ERCC6: variants seen among roughly 807,000 people sequenced by gnomAD.
The protein encoded by ERCC6 is DNA excision repair protein ERCC-6.
In ERCC6, 116 loss-of-function variants were observed where a neutral mutation model predicts 158.7. The ratio of observed to expected loss-of-function variants is 0.73; its 90% CI spans 0.63 to 0.85. The LOEUF is 0.85. Among genes scored for constraint, ERCC6 ranks in the 40% least tolerant of loss-of-function variants. The probability of loss-of-function intolerance (pLI) is 0.00; values close to 1 mark genes in which losing one functional copy is unlikely to be tolerated. For missense variants in ERCC6, 1,698 were observed against 1,799.4 expected, an observed-to-expected ratio of 0.94 and a Z score of 1.02; for synonymous variants, 678 against 659.3, an observed-to-expected ratio of 1.03 and a Z score of -0.43.
chr10:49,447,459 G>A, the ERCC6 span, among the ~76,000 whole-genome samples: 10 of 152,020 alleles, frequency 6.6e-5, no homozygotes, highest in Admixed American at 4.6e-4. Context: ...AGGCCGAGGC[G>A]GGCAGATCAC....
chr10:49,517,623 CT>C (rs1247491955), intron 5 of ERCC6, among the ~76,000 whole-genome samples: 1 of 150,844 alleles, frequency 6.6e-6, no homozygotes, highest in Non-Finnish European at 1.5e-5. Context: ...ACACAGTCTT[CT>C]TTCTTTTTTT....
chr10:49,534,090 C>T (rs917663892), intron 1 of ERCC6, among the ~76,000 whole-genome samples: 11 of 128,176 alleles, frequency 8.6e-5, no homozygotes, highest in African/African-American at 3.2e-4. Context: ...GATGAGATCT[C>T]ACCACTGCAT....
Position 49,454,856 on chromosome 10 carries a change from AG to A in ERCC6, c.*3958del, listed in dbSNP as rs1850460126. 6.6e-6 allele frequency among the ~76,000 whole-genome samples: 1 copy of A among 152,232 alleles called. No homozygotes were observed. The highest frequency in any genetic ancestry group is 1.5e-5 in the Non-Finnish European group (1 of 68,040). Reference sequence around the variant, plus strand: ...AGTTAGATAAATGGACCAATTTAACAGAATGCAGAGCCAAGAAACATTTCCG... The same window carrying A: ...AGTTAGATAAATGGACCAATTTAACAAATGCAGAGCCAAGAAACATTTCCG... On this transcript the variant is annotated 3_prime_UTR_variant, in exon 21 of 21. Transcript: ENST00000355832.
the ERCC6 span, among the ~76,000 whole-genome samples, chr10:49,438,467 GC>G: frequency 2.6e-5 from 4 of 152,090 alleles, no homozygotes; most frequent in African/African-American, 9.7e-5. Flanking sequence ...GGAAAGACCA[GC>G]CCCCATGATT....
rs940497161 is a variant in ERCC6 at position 49,458,724 on chromosome 10, T to C, written c.*91A>G. 8.2e-6 allele frequency: 11 copies of C among 1,339,054 alleles called. No homozygotes were observed. The highest frequency in any genetic ancestry group is 1.2e-5 in the Non-Finnish European group (11 of 942,028). 82.9% of individuals were successfully genotyped at this position (1,339,054 alleles called of 1,614,324 possible). ...CAAACAAACATCAAGTGCAGCCAAC[T>C]TCCATTGACAAACATGATTATTAAT... is the stretch of plus-strand genomic sequence containing the variant. On this transcript the variant is annotated 3_prime_UTR_variant, in exon 21 of 21. Coordinates refer to ENST00000355832, the MANE Select transcript of ERCC6 (RefSeq NM_000124.4).
chr10:49,517,248 A>G (rs1221773519), intron 5 of ERCC6: 30 of 1,329,254 alleles, frequency 2.3e-5, no homozygotes, highest in African/African-American at 3.0e-5. Flanking sequence ...TTTTCTTTTT[A>G]CCGCACAATA....
chr10:49,505,668 T>G, intron 6 of ERCC6: 2 of 589,050 alleles, frequency 3.4e-6, no homozygotes, highest in East Asian at 5.7e-5. Flanking sequence ...TTCATCAGTT[T>G]ACAAACATAC....
chr10:49,510,709 A>C (rs1229142704), intron 5 of ERCC6, among the ~76,000 whole-genome samples: 1 of 152,174 alleles, frequency 6.6e-6, no homozygotes. Context: ...GCAGACCGTT[A>C]AGTGCTGAAT....
At position 49,530,891 on chromosome 10, in the gene ERCC6, G is replaced by C. The variant is rs1423234647; in HGVS notation, c.423-51C>G. The C allele has an allele frequency of 3.7e-6, 6 of 1,601,036 alleles. No individual in the cohort carries two copies. The African/African-American group carries it at 8.0e-5, about 21-fold the overall frequency. ...TTTGCACTCTGATAACATTTTTATA[G>C]CATAATATAAAGAGAAAAATGCTAA... On this transcript the variant is annotated intron_variant, in intron 2 of 20. Coordinates refer to ENST00000355832, the MANE Select transcript of ERCC6 (RefSeq NM_000124.4).
chr10:49,462,463 T>C (rs2132527805), intron 18 of ERCC6, among the ~76,000 whole-genome samples: 1 of 151,948 alleles, frequency 6.6e-6, no homozygotes, highest in South Asian at 2.1e-4. Flanking sequence ...GGCTTAGAAC[T>C]ACAATTCCAA....
rs1446462257 is a variant in ERCC6 at position 49,459,054 on chromosome 10, C to T, written c.4243G>A (p.Ala1415Thr). The change falls in exon 21 of 21, where the codon GCT becomes ACT. Residue 1415 changes from alanine to threonine, a missense_variant. Physicochemically the swap from Ala to Thr is moderately conservative, Grantham distance 58. Coordinates refer to ENST00000355832, the MANE Select transcript of ERCC6 (RefSeq NM_000124.4). ...LESESGHLQE[A>T]SALLPTTEHD... ...TCTGTGGTGGGCAGCAGGGCAGAAG[C>T]TTCCTGCAGGTGCCCGCTTTCACTT... is the stretch of plus-strand genomic sequence containing the variant. 1 of 1,614,180 alleles carries T rather than the reference C, an allele frequency of 6.2e-7. No individual in the cohort carries two copies. The highest frequency in any genetic ancestry group is 1.1e-5 in the South Asian group (1 of 91,090).
chr10:49,474,053 C>A lies in ERCC6; in HGVS notation c.2572G>T (p.Val858Leu), dbSNP rs1031601907. The change falls in exon 13 of 21, where the codon GTA (valine) becomes TTA (leucine). Residue 858 changes from valine to leucine, a missense_variant. Val to Leu is a conservative substitution (Grantham distance 32). Coordinates refer to ENST00000355832, the MANE Select transcript of ERCC6 (RefSeq NM_000124.4). Reference sequence around the variant, plus strand: ...TGCCTTGACTGAGAAAACAGCAATACTCGCTGACCCTGCTTGTGCCATATT... The same window carrying A: ...TGCCTTGACTGAGAAAACAGCAATAATCGCTGACCCTGCTTGTGCCATATT... The part of the protein sequence containing the change: ...LKIWHKQGQR[V>L]LLFSQSRQML... The A allele has an allele frequency of 1.2e-6, 2 of 1,614,102 alleles. No homozygotes were observed. The highest frequency in any genetic ancestry group is 1.7e-6 in the Non-Finnish European group (2 of 1,180,030).
chr10:49,526,065 T>A (rs1312833142), intron 4 of ERCC6, among the ~76,000 whole-genome samples: 7 of 147,102 alleles, frequency 4.8e-5, no homozygotes, highest in Non-Finnish European at 8.9e-5. Flanking sequence ...AATATTCTGA[T>A]GCACATCTTT....
At chr10:49,516,609 T>A in intron 5 of ERCC6, 8 of 1,614,168 alleles carry the variant, frequency 5.0e-6, no homozygotes, top group Non-Finnish European at 5.9e-6. Context: ...ATGTACACCT[T>A]TACTGCAAGC....
intron 18 of ERCC6, among the ~76,000 whole-genome samples, chr10:49,468,777 T>G (rs1308779838): frequency 6.6e-6 from 1 of 152,198 alleles, no homozygotes; most frequent in Non-Finnish European, 1.5e-5. Flanking sequence ...CCAGGGTTCC[T>G]TGAAGAAATG....
chr10:49,448,890 T>C, the ERCC6 span, among the ~76,000 whole-genome samples: 1 of 152,358 alleles, frequency 6.6e-6, no homozygotes, highest in Admixed American at 6.5e-5. Flanking sequence ...TATTGATGTA[T>C]ATTTGAGCTG....
Position 49,470,740 on chromosome 10 carries a change from C to G in ERCC6, c.3220G>C (p.Glu1074Gln). The change falls in exon 18 of 21, where the codon GAG becomes CAG. Residue 1074 changes from glutamate to glutamine, a missense_variant. Coordinates refer to ENST00000355832, the MANE Select transcript of ERCC6 (RefSeq NM_000124.4). Reference protein sequence around the residue: ...NDATSSEEKSEAKGAEVNAVT... With the variant: ...NDATSSEEKSQAKGAEVNAVT... ...GCATTTACTTCAGCTCCTTTAGCCT[C>G]AGATTTCTCTTCAGATGATGTGGCA... 1 of 1,614,146 alleles carries G rather than the reference C, an allele frequency of 6.2e-7. No homozygotes were observed. Among genetic ancestry groups the G allele is most frequent in the Non-Finnish European group, 8.5e-7 (1 of 1,180,040 alleles).
At chr10:49,511,368 C>G (rs142206454) in intron 5 of ERCC6, among the ~76,000 whole-genome samples, 2 of 151,866 alleles carry the variant, frequency 1.3e-5, no homozygotes, top group African/African-American at 4.8e-5. Context: ...TTAATCTATA[C>G]ATGTAAAAGT....
At chr10:49,483,291 C>G in intron 9 of ERCC6, 55 bp downstream of exon 9, 1 of 1,551,612 alleles carries the variant, frequency 6.4e-7, no homozygotes, top group Non-Finnish European at 8.9e-7. Context: ...ATAGTTTATT[C>G]TGAATTAATT....
Sources: gnomAD v4.1 joint callset for allele counts (sites outside exome capture counted in the v4.1 genomes callset) on GRCh38, gnomAD v4.1.1 for gene constraint, MANE v1.5 for transcripts, NCBI Gene and HGNC (gene_info 2026-07-23, HGNC 2026-07-21) for gene names.